ENTPD1: variants seen among roughly 807,000 people sequenced by gnomAD.
ENTPD1 encodes the protein ATP diphosphohydrolase.
ENTPD1 carries 33 observed loss-of-function variants against 57.0 expected under a neutral mutation model. The observed-to-expected ratio is 0.58, with a 90% CI of 0.44 to 0.77. ENTPD1 has a LOEUF of 0.77. ENTPD1 is among the 30% of genes least tolerant of loss of function. The probability of loss-of-function intolerance (pLI) is 0.00; values close to 1 mark genes in which losing one functional copy is unlikely to be tolerated. For synonymous variants in ENTPD1, 202 were observed against 218.8 expected (o/e 0.92, Z 0.68); for missense variants, 501 against 603.4 (o/e 0.83, Z 1.78).
At chr10:95,748,127 C>T (rs966490457) in intron 1 of ENTPD1, among the ~76,000 whole-genome samples, 2 of 152,186 alleles carry the variant, frequency 1.3e-5, no homozygotes, top group Non-Finnish European at 2.9e-5. Context: ...CCCACCTCGG[C>T]CTCCCAAAGT....
At chr10:95,783,970 G>A (rs1193995718) in intron 1 of ENTPD1, among the ~76,000 whole-genome samples, 2 of 151,992 alleles carry the variant, frequency 1.3e-5, no homozygotes, top group Non-Finnish European at 1.5e-5. Context: ...GGGTGAAAGC[G>A]GGTAGAAAAT....
intron 2 of ENTPD1, among the ~76,000 whole-genome samples, chr10:95,826,253 T>G (rs2098375916): frequency 6.6e-6 from 1 of 152,072 alleles, no homozygotes; most frequent in Non-Finnish European, 1.5e-5. Context: ...GATTGGAAGT[T>G]AGCTGGGAAA....
At chr10:95,700,651 G>A in the ENTPD1 span, among the ~76,000 whole-genome samples, 46 of 152,176 alleles carry the variant, frequency 3.0e-4, no homozygotes, top group African/African-American at 1.1e-3. Flanking sequence ...TCACAGCACT[G>A]CACTCCAGCC....
chr10:95,694,520 AAAG>A, the ENTPD1 span, among the ~76,000 whole-genome samples: 1 of 152,170 alleles, frequency 6.6e-6, no homozygotes, highest in African/African-American at 2.4e-5. Context: ...TCAAATCATT[AAAG>A]ATGGACTGCA....
chr10:95,717,973 T>C (rs552009644), intron 1 of ENTPD1, among the ~76,000 whole-genome samples: 1 of 152,314 alleles, frequency 6.6e-6, no homozygotes, highest in African/African-American at 2.4e-5. Context: ...AGCTTAAACA[T>C]ACAGGGATTG....
intron 3 of ENTPD1, among the ~76,000 whole-genome samples, chr10:95,841,203 G>A (rs540873086): frequency 2.0e-5 from 3 of 152,196 alleles, no homozygotes; most frequent in Admixed American, 6.5e-5. Context: ...TGGCTAACAC[G>A]GTGAAACCCT....
chr10:95,821,625 G>C (rs1414058251), intron 1 of ENTPD1, among the ~76,000 whole-genome samples: 1 of 152,206 alleles, frequency 6.6e-6, no homozygotes, highest in Non-Finnish European at 1.5e-5. Flanking sequence ...AAGCAGGGAA[G>C]TGCTGTGTAT....
intron 1 of ENTPD1, among the ~76,000 whole-genome samples, chr10:95,732,417 T>G (rs2097990235): frequency 6.6e-6 from 1 of 152,202 alleles, no homozygotes; most frequent in African/African-American, 2.4e-5. Context: ...CTACTTTGTT[T>G]CTCATCTCAG....
intron 1 of ENTPD1, among the ~76,000 whole-genome samples, chr10:95,806,269 C>T (rs767850606): frequency 4.6e-5 from 7 of 152,190 alleles, no homozygotes; most frequent in Non-Finnish European, 8.8e-5. Context: ...ACCCTTTCTT[C>T]CACTTGATCG....
At position 95,869,669 on chromosome 10, in the gene ENTPD1, A is replaced by G; in HGVS notation, c.*3286A>G. The G allele has an allele frequency of 2.0e-6, 2 of 979,868 alleles. No homozygotes were observed. Among genetic ancestry groups the G allele is most frequent in the Non-Finnish European group, 2.4e-6 (2 of 824,876 alleles). 60.7% of individuals were successfully genotyped at this position (979,868 alleles called of 1,614,324 possible). ...ATCCAATTCTTAATAAGAAATATGTAAATAAAATTTTTTAAAATTACACTT... is the reference window on the plus strand; with the variant it reads ...ATCCAATTCTTAATAAGAAATATGTGAATAAAATTTTTTAAAATTACACTT... On this transcript the variant is annotated 3_prime_UTR_variant, in exon 10 of 10. Transcript: ENST00000371205.
At chr10:95,813,410 G>A (rs976068834) in intron 1 of ENTPD1, among the ~76,000 whole-genome samples, 2 of 152,214 alleles carry the variant, frequency 1.3e-5, no homozygotes, top group African/African-American at 4.8e-5. Context: ...ACATGAAGCA[G>A]AGGATGTGAA....
intron 7 of ENTPD1, among the ~76,000 whole-genome samples, chr10:95,847,932 T>C (rs1185694512): frequency 6.6e-6 from 1 of 152,186 alleles, no homozygotes; most frequent in Non-Finnish European, 1.5e-5. Context: ...CCAAGCACCA[T>C]ATCACTAGGT....
rs143877876 is a variant in ENTPD1, at chr10:95,872,387, A to G, written c.*6004A>G. Reference sequence around the variant, plus strand: ...TCTGATGTTTCCTACACTACACTACACTATACTACACTACAGCCAGGTAGA... The same window carrying G: ...TCTGATGTTTCCTACACTACACTACGCTATACTACACTACAGCCAGGTAGA... On this transcript the variant is annotated 3_prime_UTR_variant, in exon 10 of 10. Transcript: ENST00000371205. 1.2e-4 allele frequency: 116 copies of G among 985,340 alleles called. No individual in the cohort carries two copies. In the African/African-American group the frequency reaches 1.8e-3, roughly 16 times the overall value. 61.0% of individuals were successfully genotyped at this position (985,340 alleles called of 1,614,324 possible).
In ENTPD1 at chr10:95,876,098, A is replaced by G. The variant is rs528042766; in HGVS notation, c.*9715A>G. The G allele has an allele frequency of 1.0e-6, 1 of 985,438 alleles. No individual in the cohort carries two copies. The highest frequency in any genetic ancestry group is 1.2e-6 in the Non-Finnish European group (1 of 829,912). The allele number at this position is 985,438 out of a possible 1,614,324, so 61.0% of individuals were successfully genotyped here. A position where few individuals can be genotyped will look rare whatever the true frequency, so the allele number is the denominator to read the frequency against. On this transcript the variant is annotated 3_prime_UTR_variant, in exon 10 of 10. Transcript: ENST00000371205. ...AGGTTTGAAACCTGAAATGCAGTCTATTATCATACATAACTAAAAATAGAG... is the reference window on the plus strand; with the variant it reads ...AGGTTTGAAACCTGAAATGCAGTCTGTTATCATACATAACTAAAAATAGAG...
chr10:95,805,778 A>G (rs1427413023), intron 1 of ENTPD1, among the ~76,000 whole-genome samples: 4 of 152,138 alleles, frequency 2.6e-5, no homozygotes, highest in Admixed American at 1.3e-4. Flanking sequence ...AGGAAATTCT[A>G]GGTCGAAAAT....
Position 95,847,282 on chromosome 10 carries a change from T to C in ENTPD1, c.814-164T>C. On this transcript the variant is annotated intron_variant, in intron 6 of 9. Coordinates refer to ENST00000371205, the MANE Select transcript of ENTPD1 (RefSeq NM_001776.6). Reference sequence around the variant, plus strand: ...TTCTGGTGCCTGTTACACAAATCCATTTTTCATATTTATTCCTAAGGGTAA... The same window carrying C: ...TTCTGGTGCCTGTTACACAAATCCACTTTTCATATTTATTCCTAAGGGTAA... 6.4e-6 allele frequency: 5 copies of C among 779,362 alleles called. No individual in the cohort carries two copies. The Admixed American group carries it at 1.1e-4, about 17-fold the overall frequency. 48.3% of individuals were successfully genotyped at this position (779,362 alleles called of 1,614,324 possible).
Position 95,842,329 on chromosome 10 carries a change from T to G in ENTPD1, c.263-15T>G. The G allele has an allele frequency of 1.2e-6, 2 of 1,606,736 alleles. No homozygotes were observed. The highest frequency in any genetic ancestry group is 1.1e-5 in the South Asian group (1 of 90,858). Reference sequence around the variant, plus strand: ...TTTTTTTTAAAAGATTGTTATCTTCTACATTTTTTCCTAGGTCCTGGAATC... The same window carrying G: ...TTTTTTTTAAAAGATTGTTATCTTCGACATTTTTTCCTAGGTCCTGGAATC... On this transcript the variant is annotated splice_polypyrimidine_tract_variant and intron_variant, in intron 3 of 9. Coordinates refer to ENST00000371205, the MANE Select transcript of ENTPD1 (RefSeq NM_001776.6).
At chr10:95,781,271 G>A (rs975389096) in intron 1 of ENTPD1, among the ~76,000 whole-genome samples, 1 of 151,908 alleles carries the variant, frequency 6.6e-6, no homozygotes, top group African/African-American at 2.4e-5. Flanking sequence ...GTGGGGGCTG[G>A]GTAGAATGGA....
chr10:95,708,195 T>A (rs542596997), upstream of ENTPD1, among the ~76,000 whole-genome samples: 200 of 144,544 alleles, frequency 1.4e-3, no homozygotes, highest in South Asian at 6.7e-4. Flanking sequence ...TTCTTTTTTT[T>A]AATTTTTATT....
Sources: allele counts gnomAD v4.1 joint callset (sites outside exome capture counted in the v4.1 genomes callset), GRCh38; gene constraint gnomAD v4.1.1; transcripts MANE v1.5; gene names NCBI Gene and HGNC (gene_info 2026-07-23, HGNC 2026-07-21).